The following INPP4B variants were observed in gnomAD, a reference collection of about 807,000 sequenced individuals.
INPP4B encodes the protein inositol polyphosphate-4-phosphatase type II B, also known as inositol polyphosphate 4-phosphatase type II.
A neutral mutation model predicts 122.5 loss-of-function variants in INPP4B; 55 were observed. The observed-to-expected ratio is 0.45, with a 90% CI of 0.36 to 0.56. The LOEUF is 0.56. Ranked by LOEUF, INPP4B falls within the 20% of genes least tolerant of loss-of-function variation. The probability of loss-of-function intolerance (pLI) is 0.00; values close to 1 mark genes in which losing one functional copy is unlikely to be tolerated. For missense variants in INPP4B, 1,000 were observed against 1,097.7 expected, an observed-to-expected ratio of 0.91 and a Z score of 1.26; for synonymous variants, 403 against 388.7, an observed-to-expected ratio of 1.04 and a Z score of -0.43.
chr4:142,698,594 G>A (rs1761316270), intron 2 of INPP4B, among the ~76,000 whole-genome samples: 1 of 152,102 alleles, frequency 6.6e-6, no homozygotes, highest in Non-Finnish European at 1.5e-5. Flanking sequence ...CTGCATCAGG[G>A]TCTACTGAGG....
chr4:142,169,828 AC>A (rs2152936791), intron 16 of INPP4B, among the ~76,000 whole-genome samples: 1 of 151,816 alleles, frequency 6.6e-6, no homozygotes, highest in East Asian at 1.9e-4. Flanking sequence ...AGCATCAAGT[AC>A]GATACCACAC....
At chr4:142,181,045 A>G (rs1561399509) in intron 15 of INPP4B, among the ~76,000 whole-genome samples, 1 of 152,212 alleles carries the variant, frequency 6.6e-6, no homozygotes, top group Non-Finnish European at 1.5e-5. Flanking sequence ...CCAGCCCACT[A>G]AACGCTACAT....
chr4:142,825,483 A>G (rs765085202), intron 1 of INPP4B, among the ~76,000 whole-genome samples: 2 of 152,110 alleles, frequency 1.3e-5, no homozygotes, highest in Non-Finnish European at 2.9e-5. Context: ...ATCATATCAT[A>G]TCATATCATA....
intron 7 of INPP4B, among the ~76,000 whole-genome samples, chr4:142,347,877 T>C (rs1230525459): frequency 6.6e-6 from 1 of 151,992 alleles, no homozygotes; most frequent in Non-Finnish European, 1.5e-5. Flanking sequence ...ACCTCAAAGC[T>C]AAAGATTCCC....
chr4:142,348,175 A>G (rs1780865343), intron 7 of INPP4B, among the ~76,000 whole-genome samples: 1 of 151,950 alleles, frequency 6.6e-6, no homozygotes, highest in South Asian at 2.1e-4. Flanking sequence ...ACGGCATTAG[A>G]GCTGAAGAGG....
chr4:142,449,606 A>G (rs1813701592), intron 3 of INPP4B, among the ~76,000 whole-genome samples: 1 of 152,086 alleles, frequency 6.6e-6, no homozygotes, highest in East Asian at 1.9e-4. Flanking sequence ...CGAGGCTGAG[A>G]CAGGAGAATC....
chr4:142,722,492 T>C (rs886507046), intron 2 of INPP4B, among the ~76,000 whole-genome samples: 1 of 152,018 alleles, frequency 6.6e-6, no homozygotes, highest in African/African-American at 2.4e-5. Flanking sequence ...GTTCTGAGAG[T>C]TTCAAAAAGA....
chr4:142,815,839 A>T (rs1191456187), intron 1 of INPP4B, among the ~76,000 whole-genome samples: 2 of 152,176 alleles, frequency 1.3e-5, no homozygotes, highest in African/African-American at 4.8e-5. Flanking sequence ...CTACTCCAGA[A>T]AACCTCATTT....
At chr4:142,248,648 GTGTA>G (rs748894998) in intron 11 of INPP4B, among the ~76,000 whole-genome samples, 38 of 148,592 alleles carry the variant, frequency 2.6e-4, no homozygotes, top group African/African-American at 8.3e-4. Context: ...GTGTGTGTGT[GTGTA>G]TGTGTGTGTG....
intron 2 of INPP4B, among the ~76,000 whole-genome samples, chr4:142,722,847 A>C (rs1191210625): frequency 6.6e-6 from 1 of 152,148 alleles, no homozygotes; most frequent in Non-Finnish European, 1.5e-5. Flanking sequence ...TCTAACTCTC[A>C]TTTAAATGCA....
chr4:142,614,663 T>A (rs2150351057), intron 2 of INPP4B, among the ~76,000 whole-genome samples: 1 of 152,076 alleles, frequency 6.6e-6, no homozygotes, highest in African/African-American at 2.4e-5. Flanking sequence ...AGGGCTAATA[T>A]CCAGAACCAA....
chr4:142,353,024 T>C (rs917099898), intron 7 of INPP4B, among the ~76,000 whole-genome samples: 1 of 151,928 alleles, frequency 6.6e-6, no homozygotes, highest in East Asian at 1.9e-4. Context: ...TTTTGGAACA[T>C]AGAAGCCCAA....
intron 2 of INPP4B, among the ~76,000 whole-genome samples, chr4:142,717,729 G>A (rs6813458): frequency 0.65 from 98,841 of 151,324 alleles, 32,454 homozygotes; most frequent in East Asian, 0.8. Context: ...ATCACATACC[G>A]GGGCCTGTCG....
intron 16 of INPP4B, among the ~76,000 whole-genome samples, chr4:142,169,881 T>C (rs1824707021): frequency 6.6e-6 from 1 of 151,688 alleles, no homozygotes; most frequent in Admixed American, 6.6e-5. Flanking sequence ...AGCAGGATAA[T>C]AATGACTTAT....
chr4:142,256,193 G>A (rs1263088272), intron 11 of INPP4B, among the ~76,000 whole-genome samples: 2 of 150,600 alleles, frequency 1.3e-5, no homozygotes, highest in African/African-American at 2.4e-5. Context: ...TCTCTGGGAT[G>A]CATTCAAAGC....
chr4:142,065,050 G>C (rs189713672), intron 25 of INPP4B, among the ~76,000 whole-genome samples: 1 of 152,220 alleles, frequency 6.6e-6, no homozygotes, highest in East Asian at 1.9e-4. Context: ...CTTGAGTATA[G>C]GATATAGTGA....
chr4:142,458,982 G>A (rs1373019662), intron 3 of INPP4B, among the ~76,000 whole-genome samples: 2 of 152,170 alleles, frequency 1.3e-5, no homozygotes, highest in East Asian at 1.9e-4. Flanking sequence ...AGGAAAGCAG[G>A]AACAAAAATT....
intron 2 of INPP4B, among the ~76,000 whole-genome samples, chr4:142,637,862 G>A (rs937602741): frequency 5.3e-5 from 8 of 152,128 alleles, no homozygotes; most frequent in East Asian, 1.9e-4. Flanking sequence ...GACATTTGGC[G>A]TTGTCAGCAT....
intron 14 of INPP4B, among the ~76,000 whole-genome samples, chr4:142,205,908 ACACT>A (rs761413326): frequency 7.2e-5 from 11 of 152,116 alleles, no homozygotes; most frequent in African/African-American, 1.4e-4. Flanking sequence ...CTATTGACAG[ACACT>A]CAGTAATCAA....
Sources: allele counts gnomAD v4.1 joint callset (sites outside exome capture counted in the v4.1 genomes callset), GRCh38; gene constraint gnomAD v4.1.1; transcripts MANE v1.5; gene names NCBI Gene and HGNC (gene_info 2026-07-23, HGNC 2026-07-21).